RNF24: variants seen among roughly 807,000 people sequenced by gnomAD.
RNF24 encodes the protein ring finger protein 24.
Under a neutral mutation model 20.0 loss-of-function variants are expected in RNF24, and 14 were observed. The ratio of observed to expected loss-of-function variants is 0.70; its 90% CI spans 0.46 to 1.10. RNF24 has a LOEUF of 1.10. Ranked by LOEUF, RNF24 falls within the 50% of genes least tolerant of loss-of-function variation. RNF24 has a pLI of 0.00. For missense variants in RNF24, 124 were observed against 177.6 expected (o/e 0.70, Z 1.71); for synonymous variants, 45 against 61.1 (o/e 0.74, Z 1.23).
intron 1 of RNF24, among the ~76,000 whole-genome samples, chr20:3,984,968 T>G (rs777244089): frequency 6.6e-6 from 1 of 152,176 alleles, no homozygotes; most frequent in Non-Finnish European, 1.5e-5. Context: ...AGTAACTTCT[T>G]TAATGTTTCC....
chr20:4,001,175 G>C (rs1433406771), intron 1 of RNF24, among the ~76,000 whole-genome samples: 1 of 152,160 alleles, frequency 6.6e-6, no homozygotes, highest in African/African-American at 2.4e-5. Context: ...TCTGAGGCAG[G>C]ATAATTGCTT....
intron 1 of RNF24, among the ~76,000 whole-genome samples, chr20:3,997,800 T>G (rs1981013192): frequency 6.6e-6 from 1 of 152,198 alleles, no homozygotes; most frequent in Non-Finnish European, 1.5e-5. Flanking sequence ...ATACAGGAAA[T>G]CTAACATTAC....
chr20:3,977,149 A>T (rs867311402), intron 1 of RNF24, among the ~76,000 whole-genome samples: 1 of 152,240 alleles, frequency 6.6e-6, no homozygotes, highest in Non-Finnish European at 1.5e-5. Flanking sequence ...ACATTCAAGT[A>T]CATTTCTTTC....
intron 2 of RNF24, among the ~76,000 whole-genome samples, chr20:3,950,865 A>G (rs1361178021): frequency 6.6e-6 from 1 of 152,142 alleles, no homozygotes; most frequent in Non-Finnish European, 1.5e-5. Context: ...TTTGAATTTT[A>G]CCAGTTCTTT....
chr20:3,977,778 T>C (rs947507750), intron 1 of RNF24, among the ~76,000 whole-genome samples: 8 of 145,072 alleles, frequency 5.5e-5, no homozygotes, highest in African/African-American at 2.1e-4. Flanking sequence ...GGCAGGAGAA[T>C]GGCATGAACC....
rs1323183108 is a variant in RNF24, at chr20:3,931,636, A to T, written c.*2427T>A. On this transcript the variant is annotated 3_prime_UTR_variant, in exon 6 of 6. Coordinates refer to ENST00000358395, the MANE Select transcript of RNF24 (RefSeq NM_001134337.3). ...GAGGATGTCACGCTGAGAAAGGGAG[A>T]TGACTAGGAGCAGAAAAAGTACTCT... The T allele has an allele frequency of 6.6e-6, 1 of 152,166 alleles. No individual in the cohort carries two copies. The highest frequency in any genetic ancestry group is 2.4e-5 in the African/African-American group (1 of 41,434). 9.4% of individuals were successfully genotyped at this position (152,166 alleles called of 1,614,324 possible). A position where few individuals can be genotyped will look rare whatever the true frequency, so the allele number is the denominator to read the frequency against.
chr20:4,010,653 C>G (rs766659980), intron 1 of RNF24, among the ~76,000 whole-genome samples: 8 of 152,192 alleles, frequency 5.3e-5, no homozygotes, highest in Non-Finnish European at 1.0e-4. Flanking sequence ...AAGAAACTCT[C>G]TCTGATGTCA....
chr20:4,003,264 C>T (rs150556715), intron 1 of RNF24, among the ~76,000 whole-genome samples: 34 of 152,242 alleles, frequency 2.2e-4, no homozygotes, highest in African/African-American at 6.5e-4. Flanking sequence ...CCACCACGCC[C>T]GGCCCAGAAT....
intron 1 of RNF24, among the ~76,000 whole-genome samples, chr20:3,982,876 G>A (rs1979542503): frequency 6.6e-6 from 1 of 152,168 alleles, no homozygotes; most frequent in Non-Finnish European, 1.5e-5. Context: ...CTACATGACA[G>A]AGTGAGACCC....
chr20:3,987,925 GA>G (rs1353562491), intron 1 of RNF24, among the ~76,000 whole-genome samples: 1 of 152,006 alleles, frequency 6.6e-6, no homozygotes, highest in African/African-American at 2.4e-5. Context: ...GTAAATTAGG[GA>G]AATTAAACAA....
At chr20:3,936,979 G>A in intron 4 of RNF24, among the ~76,000 whole-genome samples, 1 of 152,078 alleles carries the variant, frequency 6.6e-6, no homozygotes, top group Middle Eastern at 3.2e-3. Flanking sequence ...TGGGACTACA[G>A]GTGCATGCCA....
rs34868373 is a variant in RNF24 at position 3,982,103 on chromosome 20, G to GTCTCTCTCTCTCTCTCTCTCTC, written c.-7-18101_-7-18080dup. On this transcript the variant is annotated intron_variant, in intron 1 of 5. Transcript: ENST00000358395. Reference sequence around the variant, plus strand: ...AGCCTGGGCAACAGGGTGAGACCTCGTCTCTCTCTCTCTCTCTCTCTCTCT... The same window carrying GTCTCTCTCTCTCTCTCTCTCTC: ...AGCCTGGGCAACAGGGTGAGACCTCGTCTCTCTCTCTCTCTCTCTCTCTCTCTCTCTCTCTCTCTCTCTCTCT... Among the ~76,000 whole-genome samples the GTCTCTCTCTCTCTCTCTCTCTC allele has an allele frequency of 4.0e-3, 542 of 137,078 alleles. 8 individuals carry two copies. Among genetic ancestry groups the GTCTCTCTCTCTCTCTCTCTCTC allele is most frequent in the Non-Finnish European group, 5.1e-3 (325 of 64,110 alleles). The allele number at this position is 137,078 out of a possible 152,430, so 89.9% of individuals were successfully genotyped here.
chr20:3,988,010 AT>A (rs1032401733), intron 1 of RNF24, among the ~76,000 whole-genome samples: 2 of 152,006 alleles, frequency 1.3e-5, no homozygotes, highest in African/African-American at 4.8e-5. Context: ...GCAGCTTAAA[AT>A]AAAAAAAAAA....
At chr20:4,003,221 G>A (rs917112131) in intron 1 of RNF24, among the ~76,000 whole-genome samples, 23 of 152,192 alleles carry the variant, frequency 1.5e-4, no homozygotes, top group Admixed American at 7.9e-4. Context: ...TACCCACCTC[G>A]GCCTACCAAA....
rs752723349 is a variant in RNF24 at position 3,934,953 on chromosome 20, C to G, written c.308+41G>C. On this transcript the variant is annotated intron_variant, in intron 5 of 5. Transcript: ENST00000358395. The surrounding 1 kb of genome is among the most constrained non-coding windows in gnomAD (Gnocchi z 4.0). ...CCAAAAGAAGTTGGTTGATGTGCCT[C>G]AAACTCGGGTCCCATTAAGTAATTC... The G allele has an allele frequency of 2.5e-6, 4 of 1,569,428 alleles. No homozygotes were observed. The highest frequency in any genetic ancestry group is 2.2e-5 in the East Asian group (1 of 44,658).
chr20:3,964,257 T>A (rs2091234637), intron 1 of RNF24, among the ~76,000 whole-genome samples: 1 of 152,186 alleles, frequency 6.6e-6, no homozygotes. Flanking sequence ...CTTTGCAAGT[T>A]GCATTTATTC....
At chr20:3,997,025 C>G (rs1428547409) in intron 1 of RNF24, among the ~76,000 whole-genome samples, 4 of 151,762 alleles carry the variant, frequency 2.6e-5, no homozygotes, top group Non-Finnish European at 2.9e-5. Flanking sequence ...TCGAGACCAT[C>G]CTGGCTAACA....
chr20:3,936,011 G>C (rs574969991), intron 4 of RNF24, among the ~76,000 whole-genome samples: 4 of 152,290 alleles, frequency 2.6e-5, no homozygotes, highest in Admixed American at 2.6e-4. Flanking sequence ...TTCTAGCCTG[G>C]ACTGTTGATG....
chr20:3,939,181 A>T (rs1225259095), intron 4 of RNF24, among the ~76,000 whole-genome samples: 1 of 152,034 alleles, frequency 6.6e-6, no homozygotes, highest in African/African-American at 2.4e-5. Context: ...TTTTTTAGAG[A>T]CAGAGTCTTG....
Sources: allele counts gnomAD v4.1 joint callset (sites outside exome capture counted in the v4.1 genomes callset), GRCh38; gene constraint gnomAD v4.1.1; non-coding constraint Gnocchi (gnomAD v3.1); transcripts MANE v1.5; gene names NCBI Gene and HGNC (gene_info 2026-07-23, HGNC 2026-07-21).